The following DGKG variants were observed in gnomAD, a reference collection of about 807,000 sequenced individuals.
DGKG encodes the protein DAG kinase gamma.
DGKG carries 78 observed loss-of-function variants against 105.3 expected under a neutral mutation model. The ratio of observed to expected loss-of-function variants is 0.74; its 90% CI spans 0.62 to 0.89. The LOEUF (loss-of-function observed/expected upper bound fraction) is 0.89, where lower values mean the gene tolerates loss of function less well. DGKG is among the 40% of genes least tolerant of loss of function. DGKG has a pLI of 0.00. For synonymous variants in DGKG, 346 were observed against 367.1 expected (o/e 0.94, Z 0.66); for missense variants, 958 against 1,020.1 (o/e 0.94, Z 0.83).
chr3:186,211,153 G>A (rs1475451704), intron 21 of DGKG, among the ~76,000 whole-genome samples: 2 of 152,198 alleles, frequency 1.3e-5, no homozygotes, highest in Admixed American at 6.5e-5. Context: ...CATAATTTGC[G>A]GGGCCTAGTT....
At chr3:186,153,679 T>A (rs1715882220) in intron 24 of DGKG, among the ~76,000 whole-genome samples, 1 of 152,254 alleles carries the variant, frequency 6.6e-6, no homozygotes, top group Non-Finnish European at 1.5e-5. Context: ...CAACACATTC[T>A]TATTACTTCA....
chr3:186,193,741 C>A (rs114922032), intron 21 of DGKG, among the ~76,000 whole-genome samples: 1 of 152,216 alleles, frequency 6.6e-6, no homozygotes, highest in African/African-American at 2.4e-5. Flanking sequence ...GGCGGGTTCC[C>A]GAGCTAAATC....
In DGKG at chr3:186,265,657, CTTTTTT is replaced by C. The variant is rs68014632; in HGVS notation, c.1210-357_1210-352del. ...TTGGCGACTTGGCTTTTCTTCCTTT[CTTTTTT>C]TTTTTTTTTTTTTTTTTTGAGACGG... is the stretch of plus-strand genomic sequence containing the variant. On this transcript the variant is annotated intron_variant, in intron 13 of 24. Coordinates refer to ENST00000265022, the MANE Select transcript of DGKG (RefSeq NM_001346.3). Among the ~76,000 whole-genome samples the C allele has an allele frequency of 2.9e-3, 222 of 77,398 alleles. 1 individual carries two copies. The highest frequency in any genetic ancestry group is 3.6e-3 in the Non-Finnish European group (156 of 42,996). 50.8% of individuals were successfully genotyped at this position (77,398 alleles called of 152,430 possible). A position where few individuals can be genotyped will look rare whatever the true frequency, so the allele number is the denominator to read the frequency against.
chr3:186,286,298 A>G (rs1723066361), intron 6 of DGKG, among the ~76,000 whole-genome samples: 1 of 152,180 alleles, frequency 6.6e-6, no homozygotes, highest in African/African-American at 2.4e-5. Flanking sequence ...TGGTTGAATG[A>G]CATAGAGGAC....
At chr3:186,243,381 T>A (rs1250008333) in intron 19 of DGKG, among the ~76,000 whole-genome samples, 4 of 152,068 alleles carry the variant, frequency 2.6e-5, no homozygotes, top group African/African-American at 9.7e-5. Flanking sequence ...AGGATGGCTG[T>A]CATGCACTGT....
intron 1 of DGKG, among the ~76,000 whole-genome samples, chr3:186,338,898 G>A (rs1487159019): frequency 6.6e-6 from 1 of 152,152 alleles, no homozygotes; most frequent in Non-Finnish European, 1.5e-5. Flanking sequence ...CATGTGTAAT[G>A]TATGTGGGCT....
chr3:186,178,223 A>T (rs1247615115), intron 22 of DGKG, among the ~76,000 whole-genome samples: 2 of 152,198 alleles, frequency 1.3e-5, no homozygotes, highest in Admixed American at 1.3e-4. Context: ...AGCCCAACTC[A>T]CTAAGAAAAA....
rs148864857 is a variant in DGKG, at chr3:186,218,111, G to A, written c.1827-6226C>T. Among the ~76,000 whole-genome samples the A allele has an allele frequency of 4.3e-3, 657 of 152,200 alleles. 3 individuals are homozygous for A. Among genetic ancestry groups the A allele is most frequent in the African/African-American group, 0.015 (607 of 41,506 alleles). On this transcript the variant is annotated intron_variant, in intron 20 of 24. Coordinates refer to ENST00000265022, the MANE Select transcript of DGKG (RefSeq NM_001346.3). Reference sequence around the variant, plus strand: ...TTAGTGGAGACTGTGCTGCACCAGCGGGCAGAGCTGCCTCCCAGACCCCAT... The same window carrying A: ...TTAGTGGAGACTGTGCTGCACCAGCAGGCAGAGCTGCCTCCCAGACCCCAT...
At chr3:186,251,388 A>G (rs1479537303) in intron 19 of DGKG, among the ~76,000 whole-genome samples, 2 of 152,192 alleles carry the variant, frequency 1.3e-5, no homozygotes, top group South Asian at 2.1e-4. Flanking sequence ...CAGAATTCCC[A>G]GTTCCTGAAG....
At chr3:186,152,740 T>G (rs1322696950) in intron 24 of DGKG, among the ~76,000 whole-genome samples, 1 of 152,162 alleles carries the variant, frequency 6.6e-6, no homozygotes, top group African/African-American at 2.4e-5. Context: ...CTCGGCTCAC[T>G]GCAACCTCCA....
intron 19 of DGKG, among the ~76,000 whole-genome samples, chr3:186,249,936 T>C (rs2108560801): frequency 6.6e-6 from 1 of 152,210 alleles, no homozygotes; most frequent in Non-Finnish European, 1.5e-5. Flanking sequence ...AAAATTAAAA[T>C]ACCAAAATTT....
At chr3:186,187,433 G>A (rs1237347159) in intron 22 of DGKG, among the ~76,000 whole-genome samples, 1 of 152,230 alleles carries the variant, frequency 6.6e-6, no homozygotes, top group African/African-American at 2.4e-5. Context: ...TGATGGGAAG[G>A]CTGGAGTTAC....
chr3:186,279,133 A>G (rs1459702343), intron 9 of DGKG: 1 of 152,226 alleles, frequency 6.6e-6, no homozygotes, highest in African/African-American at 2.4e-5. Flanking sequence ...TCCAAGCCAT[A>G]AACTCTCTCT....
At chr3:186,326,397 T>TCAAAAAAAAAAAAAAAA (rs1560156258) in intron 1 of DGKG, among the ~76,000 whole-genome samples, 1 of 149,614 alleles carries the variant, frequency 6.7e-6, no homozygotes, top group African/African-American at 2.5e-5. Flanking sequence ...AGACACTGTC[T>TCAAAAAAAAAAAAAAAA]TAAAAAAAAA....
At chr3:186,258,706 T>G (rs571688685) in intron 16 of DGKG, among the ~76,000 whole-genome samples, 79 of 152,252 alleles carry the variant, frequency 5.2e-4, no homozygotes, top group African/African-American at 1.9e-3. Flanking sequence ...TTTACGGTAG[T>G]TATTAGACCC....
intron 22 of DGKG, among the ~76,000 whole-genome samples, chr3:186,167,990 A>C (rs1187256655): frequency 6.6e-6 from 1 of 152,238 alleles, no homozygotes; most frequent in Non-Finnish European, 1.5e-5. Flanking sequence ...AAAGTACAGA[A>C]GGCAGGTGTC....
chr3:186,348,825 C>G (rs963866759), intron 1 of DGKG, among the ~76,000 whole-genome samples: 15 of 152,118 alleles, frequency 9.9e-5, no homozygotes, highest in African/African-American at 3.6e-4. Context: ...TGCACAATGT[C>G]TGACACTTGC....
intron 6 of DGKG, among the ~76,000 whole-genome samples, chr3:186,286,197 A>G (rs1019833685): frequency 3.3e-5 from 5 of 152,058 alleles, no homozygotes; most frequent in Admixed American, 1.3e-4. Context: ...AAGTCCTTTA[A>G]AGGTAGGGTC....
At chr3:186,259,158 G>C (rs1044901323) in intron 16 of DGKG, among the ~76,000 whole-genome samples, 16 of 152,242 alleles carry the variant, frequency 1.1e-4, no homozygotes, top group South Asian at 2.1e-4. Flanking sequence ...CAGCTAGGCA[G>C]CTTGTCTGAT....
Sources: allele counts gnomAD v4.1 joint callset (sites outside exome capture counted in the v4.1 genomes callset), GRCh38; gene constraint gnomAD v4.1.1; transcripts MANE v1.5; gene names NCBI Gene and HGNC (gene_info 2026-07-23, HGNC 2026-07-21).